The following IL17RA variants were observed in gnomAD, a reference collection of about 807,000 sequenced individuals.
The protein encoded by IL17RA is interleukin-17 receptor A.
IL17RA carries 34 observed loss-of-function variants against 50.4 expected under a neutral mutation model. The ratio of observed to expected loss-of-function variants is 0.67; its 90% CI spans 0.51 to 0.90. The LOEUF is 0.90. Ranked by LOEUF, IL17RA falls within the 40% of genes least tolerant of loss-of-function variation. IL17RA has a pLI of 0.00. For missense variants in IL17RA, 1,276 were observed against 1,169.8 expected (o/e 1.09, Z -1.32); for synonymous variants, 585 against 510.4 (o/e 1.15, Z -1.97).
chr22:17,107,843 C>A, intron 12 of IL17RA, 75 bp downstream of exon 12: 5 of 1,341,700 alleles, frequency 3.7e-6, no homozygotes, highest in Non-Finnish European at 5.4e-6. Context: ...GTGCGTGGGT[C>A]GCCTCCTGTG....
chr22:17,086,315 A>T (rs1438823128), intron 1 of IL17RA, among the ~76,000 whole-genome samples: 1 of 151,768 alleles, frequency 6.6e-6, no homozygotes, highest in Non-Finnish European at 1.5e-5. Flanking sequence ...ATTTCTCCTT[A>T]TGTAGTTTTA....
At chr22:17,096,997 T>C (rs1271719882) in intron 1 of IL17RA, 65 bp from the exon 2 acceptor site, 15 of 1,436,034 alleles carry the variant, frequency 1.0e-5, no homozygotes, top group Middle Eastern at 1.7e-4. Context: ...GTGGAGAGCA[T>C]CTGGCCCTGG....
rs2061374354 is a variant in IL17RA, at chr22:17,097,943, G to A, written c.310G>A (p.Ala104Thr). ...CATCGAATGGACACTGCAGACAGAC[G>A]GTGAGTGGGCATGCCAGCAGGGCCC... Reference protein sequence around the residue: ...AHIEWTLQTDASILYLEGAEL... With the variant: ...AHIEWTLQTDTSILYLEGAEL... The change falls in exon 3 of 13, where the codon GCC becomes ACC. Residue 104 changes from alanine to threonine, a missense_variant and splice_region_variant. Ala to Thr is a moderately conservative substitution (Grantham distance 58). Coordinates refer to ENST00000319363, the MANE Select transcript of IL17RA (RefSeq NM_014339.7). 2.5e-6 allele frequency: 4 copies of A among 1,613,868 alleles called. No homozygotes were observed. The highest frequency in any genetic ancestry group is 1.3e-5 in the African/African-American group (1 of 74,924).
At chr22:17,107,905 G>T in intron 12 of IL17RA, 137 bp downstream of exon 12, 1 of 772,090 alleles carries the variant, frequency 1.3e-6, no homozygotes, top group Non-Finnish European at 2.3e-6. Flanking sequence ...CCCCCTTCCA[G>T]TACCCCACTC....
intron 1 of IL17RA, among the ~76,000 whole-genome samples, chr22:17,091,385 CA>C (rs1303922451): frequency 6.6e-6 from 1 of 152,088 alleles, no homozygotes; most frequent in Non-Finnish European, 1.5e-5. Flanking sequence ...CTAAGAAAGT[CA>C]ATGTTATTGG....
chr22:17,107,832 A>AGTGC (rs1257812852), intron 12 of IL17RA, 64 bp downstream of exon 12: 42 of 1,457,176 alleles, frequency 2.9e-5, no homozygotes, highest in Non-Finnish European at 4.0e-5. Context: ...TCCTGGGATA[A>AGTGC]GTGCGTGGGT....
In IL17RA at chr22:17,101,673, C is replaced by T. The variant is rs41366445; in HGVS notation, c.551-323C>T. Among the ~76,000 whole-genome samples the T allele has an allele frequency of 3.0e-3, 464 of 152,354 alleles. 5 individuals are homozygous for T. The highest frequency in any genetic ancestry group is 0.01 in the African/African-American group (436 of 41,578). On this transcript the variant is annotated intron_variant, in intron 5 of 12. Coordinates refer to ENST00000319363, the MANE Select transcript of IL17RA (RefSeq NM_014339.7). ...TCACACCTGTCACATGTCTTCTCAG[C>T]CTGTGCAAAGACAGGGGCAGCCGGG...
In IL17RA at chr22:17,109,090, T is replaced by C; in HGVS notation, c.1871T>C (p.Val624Ala). Residue 624 changes from valine (V) to alanine (A), a missense_variant, in exon 13 of 13, where the codon GTG (valine) becomes GCG (alanine). Val to Ala is a moderately conservative substitution (Grantham distance 64). Coordinates refer to ENST00000319363, the MANE Select transcript of IL17RA (RefSeq NM_014339.7). The part of the protein sequence containing the change: ...GTGIVKRAPL[V>A]REPGSQACLA... The stretch of plus-strand genomic sequence containing the variant: ...GGCATCGTGAAGCGGGCGCCCCTGG[T>C]GCGCGAGCCTGGCTCCCAGGCCTGC... The C allele has an allele frequency of 3.2e-6, 5 of 1,564,808 alleles. No individual in the cohort carries two copies. The highest frequency in any genetic ancestry group is 4.3e-6 in the Non-Finnish European group (5 of 1,163,822).
At chr22:17,086,205 G>A (rs1258201545) in intron 1 of IL17RA, among the ~76,000 whole-genome samples, 4 of 151,972 alleles carry the variant, frequency 2.6e-5, no homozygotes, top group Non-Finnish European at 5.9e-5. Context: ...CCGCATCCCC[G>A]AGGGGATCTT....
chr22:17,085,892 A>G (rs2061325831), intron 1 of IL17RA, among the ~76,000 whole-genome samples: 1 of 152,008 alleles, frequency 6.6e-6, no homozygotes, highest in Non-Finnish European at 1.5e-5. Context: ...AGCTCTGCCG[A>G]GGGCGGCTGA....
intron 1 of IL17RA, among the ~76,000 whole-genome samples, chr22:17,095,940 C>T (rs1460433857): frequency 2.6e-5 from 4 of 152,146 alleles, no homozygotes; most frequent in Admixed American, 6.5e-5. Flanking sequence ...CCTGGTGGCA[C>T]GGGGTCTTCT....
At chr22:17,093,796 G>T in intron 1 of IL17RA, 1 of 179,020 alleles carries the variant, frequency 5.6e-6, no homozygotes, top group Admixed American at 5.4e-5. Flanking sequence ...CCTGGTGTTA[G>T]CATATCTGGA....
chr22:17,105,825 ATCAC>A (rs56736183), intron 10 of IL17RA, 24 bp from the exon 11 acceptor site: 811,768 of 1,598,082 alleles, frequency 0.51, 208,892 homozygotes, highest in East Asian at 0.78. Context: ...GCCCCGCCGC[ATCAC>A]TCACGCTGTT....
Position 17,108,567 on chromosome 22 carries a change from G to T in IL17RA, c.1348G>T (p.Gly450Cys), listed in dbSNP as rs1256999040. Residue 450 changes from glycine (G) to cysteine (C), a missense_variant, in exon 13 of 13, where the codon GGC (glycine) becomes TGC (cysteine). Coordinates refer to ENST00000319363, the MANE Select transcript of IL17RA (RefSeq NM_014339.7). ...TAAGATCATCGTCCTGTGCTCCCGC[G>T]GCACGCGCGCCAAGTGGCAGGCGCT... Reference protein sequence around the residue: ...NSKIIVLCSRGTRAKWQALLG... With the variant: ...NSKIIVLCSRCTRAKWQALLG... The T allele has an allele frequency of 6.2e-7, 1 of 1,606,972 alleles. No homozygotes were observed. Among genetic ancestry groups the T allele is most frequent in the Admixed American group, 1.7e-5 (1 of 60,024 alleles).
chr22:17,107,352 G>GC (rs1016724405), intron 11 of IL17RA, among the ~76,000 whole-genome samples: 23 of 152,320 alleles, frequency 1.5e-4, no homozygotes, highest in African/African-American at 5.1e-4. Context: ...ACCACCCCCT[G>GC]CCCCCCGGCA....
At position 17,094,652 on chromosome 22, in the gene IL17RA, ACACACTCTCTCTCTCTCT is replaced by A. The variant is rs1217243742; in HGVS notation, c.139-2408_139-2391del. 1.2e-3 allele frequency among the ~76,000 whole-genome samples: 21 copies of A among 17,692 alleles called. 2 individuals carry two copies. Among genetic ancestry groups the A allele is most frequent in the African/African-American group, 3.5e-3 (9 of 2,576 alleles). 11.6% of individuals were successfully genotyped at this position (17,692 alleles called of 152,430 possible). On this transcript the variant is annotated intron_variant, in intron 1 of 12. Transcript: ENST00000319363. Reference sequence around the variant, plus strand: ...TGTTTCTATTCTCATTTAGTCATACACACACTCTCTCTCTCTCTCTCTCTCTCTCTCTCTCTCTCTATA... The same window carrying A: ...TGTTTCTATTCTCATTTAGTCATACACTCTCTCTCTCTCTCTCTCTCTATA...
intron 5 of IL17RA, among the ~76,000 whole-genome samples, chr22:17,101,459 T>C (rs562548501): frequency 5.9e-5 from 9 of 152,304 alleles, no homozygotes; most frequent in African/African-American, 2.2e-4. Flanking sequence ...CTTTTATTGG[T>C]CTCTTCTACT....
At position 17,109,560 on chromosome 22, in the gene IL17RA, C is replaced by T. The variant is rs748827958; in HGVS notation, c.2341C>T (p.Pro781Ser). ...PAMVLTDPHTPYEEEQRQSVQ... is the reference protein window; with the variant it reads ...PAMVLTDPHTSYEEEQRQSVQ... ...CATGGTCCTCACAGACCCACACACG[C>T]CCTACGAGGAGGAGCAGCGGCAGTC... is the stretch of plus-strand genomic sequence containing the variant. The change falls in exon 13 of 13, where the codon CCC becomes TCC. Residue 781 changes from proline (P) to serine (S), a missense_variant. Pro to Ser is a moderately conservative substitution (Grantham distance 74). Coordinates refer to ENST00000319363, the MANE Select transcript of IL17RA (RefSeq NM_014339.7). 2 of 1,599,914 alleles carry T rather than the reference C, an allele frequency of 1.3e-6. No individual in the cohort carries two copies. Among genetic ancestry groups the T allele is most frequent in the East Asian group, 4.5e-5 (2 of 44,362 alleles).
rs2061446884 is a variant in IL17RA, at chr22:17,112,374, C to T, written c.*2554C>T. On this transcript the variant is annotated 3_prime_UTR_variant, in exon 13 of 13. Transcript: ENST00000319363. ...CCGGTTTAGTATAGTCACAGTTCAG[C>T]AGCCATCAGCACAGTCAGTCTTAGA... 2 of 152,294 alleles carry T rather than the reference C, an allele frequency of 1.3e-5. No homozygotes were observed. Among genetic ancestry groups the T allele is most frequent in the Non-Finnish European group, 2.9e-5 (2 of 68,098 alleles). 9.4% of individuals were successfully genotyped at this position (152,294 alleles called of 1,614,324 possible).
Sources: gnomAD v4.1 joint callset for allele counts (sites outside exome capture counted in the v4.1 genomes callset) on GRCh38, gnomAD v4.1.1 for gene constraint, MANE v1.5 for transcripts, NCBI Gene and HGNC (gene_info 2026-07-23, HGNC 2026-07-21) for gene names.